The following BEND6 variants were observed in gnomAD, a reference collection of about 807,000 sequenced individuals.
The protein encoded by BEND6 is BEN domain-containing protein 6.
Under a neutral mutation model 31.8 loss-of-function variants are expected in BEND6, and 24 were observed. That is an observed-to-expected ratio of 0.75 (90% CI 0.55 to 1.06). BEND6 has a LOEUF of 1.06. Among genes scored for constraint, BEND6 ranks in the 50% least tolerant of loss-of-function variants. The pLI is 0.00. For missense variants in BEND6, 294 were observed against 327.4 expected (o/e 0.90, Z 0.79); for synonymous variants, 109 against 114.6 (o/e 0.95, Z 0.31).
chr6:56,980,773 T>A (rs1035115068), intron 1 of BEND6, among the ~76,000 whole-genome samples: 3 of 152,354 alleles, frequency 2.0e-5, no homozygotes, highest in South Asian at 2.1e-4. Flanking sequence ...AAGGAGCATA[T>A]GTTACTTTCT....
intron 1 of BEND6, among the ~76,000 whole-genome samples, chr6:56,970,101 T>C (rs1278331101): frequency 1.3e-5 from 2 of 151,752 alleles, no homozygotes; most frequent in South Asian, 2.1e-4. Flanking sequence ...TTTAGTTGCA[T>C]GTGTGTGTGT....
chr6:56,997,665 T>A (rs554474338), intron 3 of BEND6, among the ~76,000 whole-genome samples: 1 of 152,200 alleles, frequency 6.6e-6, no homozygotes, highest in East Asian at 1.9e-4. Context: ...GCCATTCTCC[T>A]GCCTCAGCCT....
chr6:57,017,518 A>G, intron 5 of BEND6, 119 bp downstream of exon 5: 1 of 823,246 alleles, frequency 1.2e-6, no homozygotes, highest in Non-Finnish European at 1.6e-6. Context: ...GGAAAGAAAA[A>G]TCTTAGGATA....
At chr6:56,987,864 C>G (rs1242567402) in intron 2 of BEND6, among the ~76,000 whole-genome samples, 7 of 151,912 alleles carry the variant, frequency 4.6e-5, no homozygotes, top group African/African-American at 1.2e-4. Context: ...TATATATATG[C>G]CAGTTTGGTA....
At chr6:56,972,503 C>T (rs1362479392) in intron 1 of BEND6, among the ~76,000 whole-genome samples, 2 of 152,108 alleles carry the variant, frequency 1.3e-5, no homozygotes, top group African/African-American at 4.8e-5. Flanking sequence ...CAAAGTGTAA[C>T]TCTTGAAAAC....
chr6:57,015,110 T>C (rs1444129252), intron 3 of BEND6, 23 bp from the exon 4 acceptor site: 1 of 1,593,714 alleles, frequency 6.3e-7, no homozygotes, highest in Admixed American at 1.7e-5. Context: ...ATTTGTAAAG[T>C]GTACTTTTTC....
At chr6:56,972,348 G>T (rs1825720492) in intron 1 of BEND6, among the ~76,000 whole-genome samples, 1 of 151,946 alleles carries the variant, frequency 6.6e-6, no homozygotes, top group Non-Finnish European at 1.5e-5. Context: ...ACCCATCTCG[G>T]CCTCCCAAAG....
chr6:57,016,588 G>A (rs1473315186), intron 4 of BEND6, among the ~76,000 whole-genome samples: 4 of 152,166 alleles, frequency 2.6e-5, no homozygotes, highest in Non-Finnish European at 4.4e-5. Flanking sequence ...CACATTCCTT[G>A]GTTCACAGCC....
intron 2 of BEND6, 88 bp downstream of exon 2, chr6:56,982,018 C>A: frequency 7.6e-7 from 1 of 1,308,684 alleles, no homozygotes; most frequent in Non-Finnish European, 1.0e-6. Flanking sequence ...GTGCTTCTCC[C>A]TCTTCTATTA....
At position 56,980,693 on chromosome 6, in the gene BEND6, G is replaced by C. The variant is rs79311387; in HGVS notation, c.-100-1018G>C. The stretch of plus-strand genomic sequence containing the variant: ...CAAATATTATTTTATGCTTAGAGTA[G>C]ATCATAATGGCTTTCACTTAAAATA... On this transcript the variant is annotated intron_variant, in intron 1 of 6. Coordinates refer to ENST00000370746, the MANE Select transcript of BEND6 (RefSeq NM_152731.3). Among the ~76,000 whole-genome samples the C allele has an allele frequency of 2.4e-4, 37 of 152,224 alleles. No homozygotes were observed. The East Asian group carries it at 5.6e-3, about 23-fold the overall frequency.
intron 3 of BEND6, chr6:57,004,836 G>A: frequency 1.4e-6 from 1 of 704,398 alleles, no homozygotes; most frequent in Non-Finnish European, 2.6e-6. Context: ...CTTGAGACCA[G>A]CCTGGGCAAC....
intron 1 of BEND6, among the ~76,000 whole-genome samples, chr6:56,975,331 A>G (rs1442402303): frequency 6.6e-6 from 1 of 152,190 alleles, no homozygotes; most frequent in Non-Finnish European, 1.5e-5. Context: ...TTTTCTTTAA[A>G]AAAATGAAAA....
At chr6:57,018,715 A>G (rs191077101) in intron 6 of BEND6, among the ~76,000 whole-genome samples, 158 bp downstream of exon 6, 49 of 152,274 alleles carry the variant, frequency 3.2e-4, no homozygotes, top group African/African-American at 1.2e-3. Flanking sequence ...GAGAACTGGG[A>G]GTGGGGTTTG....
chr6:56,980,392 TTGC>T (rs1206230208), intron 1 of BEND6, among the ~76,000 whole-genome samples: 1 of 152,186 alleles, frequency 6.6e-6, no homozygotes, highest in Non-Finnish European at 1.5e-5. Flanking sequence ...TTTCACCATG[TTGC>T]CTAGGCTGGT....
intron 1 of BEND6, among the ~76,000 whole-genome samples, chr6:56,963,494 A>G (rs1471193311): frequency 6.6e-6 from 1 of 152,148 alleles, no homozygotes; most frequent in East Asian, 1.9e-4. Context: ...TCTCCAGAAA[A>G]CTGAAGAAGC....
intron 1 of BEND6, among the ~76,000 whole-genome samples, chr6:56,958,057 A>C (rs944650689): frequency 6.6e-6 from 1 of 152,158 alleles, no homozygotes; most frequent in East Asian, 1.9e-4. Context: ...CCCCAGCATT[A>C]GGGCAGGAAG....
intron 3 of BEND6, chr6:57,013,930 T>C (rs1043089847): frequency 1.3e-5 from 2 of 152,246 alleles, no homozygotes; most frequent in African/African-American, 4.8e-5. Flanking sequence ...CAGTCTGAAT[T>C]TGAATCTTGG....
At chr6:56,981,411 A>G (rs1826062507) in intron 1 of BEND6, among the ~76,000 whole-genome samples, 1 of 152,202 alleles carries the variant, frequency 6.6e-6, no homozygotes, top group South Asian at 2.1e-4. Flanking sequence ...TAATGTTTCT[A>G]GTTTCGTAGA....
intron 1 of BEND6, among the ~76,000 whole-genome samples, chr6:56,978,696 C>T (rs1825970969): frequency 1.3e-5 from 2 of 152,274 alleles, no homozygotes; most frequent in South Asian, 4.1e-4. Context: ...CTGACTTGCC[C>T]TACTACCCAA....
Sources: allele counts gnomAD v4.1 joint callset (sites outside exome capture counted in the v4.1 genomes callset), GRCh38; gene constraint gnomAD v4.1.1; transcripts MANE v1.5; gene names NCBI Gene and HGNC (gene_info 2026-07-23, HGNC 2026-07-21).